The following SSBP2 variants were observed in gnomAD, a reference collection of about 807,000 sequenced individuals.
SSBP2 encodes single-stranded DNA-binding protein 2.
Under a neutral mutation model 61.8 loss-of-function variants are expected in SSBP2, and 17 were observed. The ratio of observed to expected loss-of-function variants is 0.28; its 90% CI spans 0.19 to 0.41. The LOEUF is 0.41. Ranked by LOEUF, SSBP2 falls within the 10% of genes least tolerant of loss-of-function variation. The pLI is 1.00. For synonymous variants in SSBP2, 139 were observed against 141.3 expected (o/e 0.98, Z 0.12); for missense variants, 310 against 458.7 (o/e 0.68, Z 2.96).
intron 3 of SSBP2, among the ~76,000 whole-genome samples, chr5:81,630,476 G>A (rs1361667797): frequency 6.6e-6 from 1 of 152,134 alleles, no homozygotes; most frequent in African/African-American, 2.4e-5. Flanking sequence ...TTATATAGAT[G>A]AAGGAGGCAT....
intron 1 of SSBP2, among the ~76,000 whole-genome samples, chr5:81,711,603 T>A (rs1261677297): frequency 6.6e-6 from 1 of 151,924 alleles, no homozygotes; most frequent in Non-Finnish European, 1.5e-5. Flanking sequence ...TTCAGATATA[T>A]CACCAACAGT....
chr5:81,737,742 T>C (rs145084934), intron 1 of SSBP2, among the ~76,000 whole-genome samples: 1,558 of 147,328 alleles, frequency 0.011, 27 homozygotes, highest in African/African-American at 0.037. Context: ...GAGCCGAGAT[T>C]GCTCCACTGC....
chr5:81,711,273 A>G (rs1444058423), intron 1 of SSBP2, among the ~76,000 whole-genome samples: 1 of 152,144 alleles, frequency 6.6e-6, no homozygotes, highest in Non-Finnish European at 1.5e-5. Context: ...TTTAAAGACT[A>G]AACTCAGCTA....
rs149229085 is a variant in SSBP2 at position 81,524,728 on chromosome 5, T to C, written c.283-11011A>G. Among the ~76,000 whole-genome samples, 227 of 152,162 alleles carry C rather than the reference T, an allele frequency of 1.5e-3. 1 individual carries two copies. The highest frequency in any genetic ancestry group is 5.2e-3 in the African/African-American group (218 of 41,544). ...GGTTCCCCTGGTCTCATAGCTCTTT[T>C]AGTGGCTTTGAATTGTGCCTTGTGT... On this transcript the variant is annotated intron_variant, in intron 4 of 16. Transcript: ENST00000320672.
At chr5:81,529,807 C>A (rs1245733186) in intron 4 of SSBP2, among the ~76,000 whole-genome samples, 1 of 152,034 alleles carries the variant, frequency 6.6e-6, no homozygotes. Flanking sequence ...ATGATATGAG[C>A]CCAATTACTG....
chr5:81,598,486 C>T (rs147417737), intron 4 of SSBP2, among the ~76,000 whole-genome samples: 172 of 152,282 alleles, frequency 1.1e-3, no homozygotes, highest in African/African-American at 4.0e-3. Context: ...CCCATAAGCA[C>T]AATAAATGAT....
chr5:81,664,284 G>A (rs534068822), intron 1 of SSBP2, among the ~76,000 whole-genome samples: 29 of 151,632 alleles, frequency 1.9e-4, no homozygotes, highest in East Asian at 7.8e-4. Flanking sequence ...CACCATGCCC[G>A]GCTAATTTTT....
chr5:81,450,025 C>A (rs746649725), intron 10 of SSBP2, among the ~76,000 whole-genome samples: 1 of 152,078 alleles, frequency 6.6e-6, no homozygotes. Flanking sequence ...TACCATCCAT[C>A]CTCCGCTTCT....
intron 3 of SSBP2, among the ~76,000 whole-genome samples, chr5:81,628,893 T>C (rs1022858179): frequency 6.6e-6 from 1 of 152,182 alleles, no homozygotes; most frequent in Non-Finnish European, 1.5e-5. Flanking sequence ...ATATGTCATA[T>C]GTATCTCTTT....
chr5:81,751,751 C>G (rs1300334370), upstream of SSBP2: 2 of 152,288 alleles, frequency 1.3e-5, no homozygotes, highest in Non-Finnish European at 2.9e-5. Context: ...GAGGGACACC[C>G]GCGCGGTTCC....
intron 3 of SSBP2, among the ~76,000 whole-genome samples, chr5:81,623,331 CTTTTTTT>C (rs35687529): frequency 3.6e-5 from 4 of 110,592 alleles, no homozygotes; most frequent in African/African-American, 9.6e-5. Context: ...CATTGTAGTA[CTTTTTTT>C]TTTTTTTTTT....
At chr5:81,751,105 A>C, upstream of SSBP2, 2 of 1,523,428 alleles carry the variant, frequency 1.3e-6, no homozygotes, top group Non-Finnish European at 8.9e-7. Flanking sequence ...CTCCCCGGGA[A>C]CAGCCCCGTC....
chr5:81,751,075 A>T lies in SSBP2; in HGVS notation c.-33T>A. On this transcript the variant is annotated 5_prime_UTR_variant, in exon 1 of 17. Coordinates refer to ENST00000320672, the MANE Select transcript of SSBP2 (RefSeq NM_012446.5). ...CCGAGAGCAGCTCCCACTGTCACGCACCTGTCAACCCATCACAGCCTCCCC... is the reference window on the plus strand; with the variant it reads ...CCGAGAGCAGCTCCCACTGTCACGCTCCTGTCAACCCATCACAGCCTCCCC... The T allele has an allele frequency of 6.4e-7, 1 of 1,568,094 alleles. No individual in the cohort carries two copies. Among genetic ancestry groups the T allele is most frequent in the East Asian group, 2.4e-5 (1 of 42,000 alleles).
At chr5:81,661,729 A>G (rs545887280) in intron 1 of SSBP2, among the ~76,000 whole-genome samples, 2 of 152,216 alleles carry the variant, frequency 1.3e-5, no homozygotes, top group Non-Finnish European at 2.9e-5. Context: ...GAATTCCTTT[A>G]CATATTTTTG....
intron 8 of SSBP2, among the ~76,000 whole-genome samples, chr5:81,472,041 A>C (rs1765283343): frequency 6.6e-6 from 1 of 152,164 alleles, no homozygotes; most frequent in African/African-American, 2.4e-5. Flanking sequence ...AGCACAACAA[A>C]ACATCAATTT....
intron 4 of SSBP2, among the ~76,000 whole-genome samples, chr5:81,598,280 C>T (rs985388615): frequency 6.6e-6 from 1 of 151,950 alleles, no homozygotes; most frequent in African/African-American, 2.4e-5. Context: ...CCACAAACTT[C>T]TTATAAAATT....
chr5:81,437,616 T>G, intron 14 of SSBP2, 158 bp from the exon 15 acceptor site: 1 of 577,030 alleles, frequency 1.7e-6, no homozygotes, highest in Non-Finnish European at 3.0e-6. Flanking sequence ...TTTTATACAG[T>G]ATAGTGAATC....
At chr5:81,710,799 A>G in intron 1 of SSBP2, 1 of 410,958 alleles carries the variant, frequency 2.4e-6, no homozygotes, top group Non-Finnish European at 4.9e-6. Flanking sequence ...ATGTTTTAAT[A>G]TAAGGAATAG....
intron 8 of SSBP2, among the ~76,000 whole-genome samples, chr5:81,469,820 G>A (rs1765131962): frequency 6.6e-6 from 1 of 151,914 alleles, no homozygotes; most frequent in Non-Finnish European, 1.5e-5. Context: ...AGCAACAAAG[G>A]CAGAATGGGA....
Sources: allele counts gnomAD v4.1 joint callset (sites outside exome capture counted in the v4.1 genomes callset), GRCh38; gene constraint gnomAD v4.1.1; transcripts MANE v1.5; gene names NCBI Gene and HGNC (gene_info 2026-07-23, HGNC 2026-07-21).